LHFPL3: variants seen among roughly 807,000 people sequenced by gnomAD.
The protein encoded by LHFPL3 is LHFPL tetraspan subfamily member 3 protein.
A neutral mutation model predicts 19.3 loss-of-function variants in LHFPL3; 5 were observed. The ratio of observed to expected loss-of-function variants is 0.26; its 90% confidence interval spans 0.14 to 0.54. The LOEUF (loss-of-function observed/expected upper bound fraction) is 0.54. LHFPL3 is among the 20% of genes least tolerant of loss of function. LHFPL3 has a pLI of 0.94. For synonymous variants in LHFPL3, 133 were observed against 126.2 expected (o/e 1.05, Z -0.36); for missense variants, 249 against 307.4 (o/e 0.81, Z 1.42).
chr7:104,674,511 G>A lies in LHFPL3; in HGVS notation c.446-62164G>A, dbSNP rs148577413. On this transcript the variant is annotated intron_variant, in intron 1 of 2. Coordinates refer to ENST00000424859, the MANE Select transcript of LHFPL3 (RefSeq NM_199000.3). ...AGCCTCCCAAGTAGCTGGGATTAGA[G>A]GTGCCTGCCACCAAGCCCAGGTTAT... Among the ~76,000 whole-genome samples, 1,128 of 152,034 alleles carry A rather than the reference G, an allele frequency of 7.4e-3. 12 individuals are homozygous for A. Among genetic ancestry groups the A allele is most frequent in the African/African-American group, 0.025 (1,040 of 41,462 alleles).
intron 1 of LHFPL3, among the ~76,000 whole-genome samples, chr7:104,730,579 T>A (rs1793681168): frequency 6.9e-6 from 1 of 145,968 alleles, no homozygotes; most frequent in Non-Finnish European, 1.5e-5. Flanking sequence ...TTCGCCCACT[T>A]TTTGATGGGG....
At chr7:104,580,569 T>C (rs965997069) in intron 1 of LHFPL3, among the ~76,000 whole-genome samples, 2 of 152,120 alleles carry the variant, frequency 1.3e-5, no homozygotes, top group African/African-American at 4.8e-5. Context: ...CAATATTTCA[T>C]TATAATGTAA....
intron 1 of LHFPL3, among the ~76,000 whole-genome samples, chr7:104,491,892 A>T (rs1479290229): frequency 6.6e-6 from 1 of 152,230 alleles, no homozygotes; most frequent in Non-Finnish European, 1.5e-5. Context: ...TCCAATTAGA[A>T]CTGTCTTTAC....
intron 1 of LHFPL3, among the ~76,000 whole-genome samples, chr7:104,637,824 A>AG (rs1791756242): frequency 1.0e-5 from 1 of 97,898 alleles, no homozygotes; most frequent in South Asian, 4.6e-4. Context: ...TGATGCCTCC[A>AG]GCTTTTTTTT....
chr7:104,543,621 G>A (rs181992697), intron 1 of LHFPL3, among the ~76,000 whole-genome samples: 376 of 151,614 alleles, frequency 2.5e-3, no homozygotes, highest in African/African-American at 7.4e-3. Context: ...GTAGGGACAC[G>A]GATGAAACTG....
intron 2 of LHFPL3, chr7:104,739,085 C>A (rs1040082807): frequency 2.0e-5 from 3 of 152,194 alleles, no homozygotes; most frequent in Admixed American, 2.0e-4. Context: ...ATTGAAATTC[C>A]TTAATCTCAG....
chr7:104,562,665 G>A (rs185985539), intron 1 of LHFPL3, among the ~76,000 whole-genome samples: 57 of 151,876 alleles, frequency 3.8e-4, no homozygotes, highest in African/African-American at 1.3e-3. Flanking sequence ...GTCGTCTGAA[G>A]CCTTCTTCTC....
intron 1 of LHFPL3, among the ~76,000 whole-genome samples, chr7:104,374,208 ATGTGTGTG>A (rs1006955104): frequency 1.0e-4 from 15 of 147,152 alleles, no homozygotes; most frequent in East Asian, 2.0e-4. Context: ...CTATCTATAT[ATGTGTGTG>A]TGTGTGTGTG....
intron 1 of LHFPL3, among the ~76,000 whole-genome samples, chr7:104,503,108 A>T (rs1025296440): frequency 1.3e-4 from 12 of 95,718 alleles, no homozygotes; most frequent in African/African-American, 8.0e-4. Context: ...ATGTTTTGTT[A>T]AAAAAAAAAA....
At chr7:104,439,328 C>G (rs1467023341) in intron 1 of LHFPL3, among the ~76,000 whole-genome samples, 10 of 151,968 alleles carry the variant, frequency 6.6e-5, no homozygotes, top group Admixed American at 5.9e-4. Context: ...ATAGCAAAAC[C>G]AGGCAAGGAT....
intron 1 of LHFPL3, among the ~76,000 whole-genome samples, chr7:104,512,201 C>T (rs1247682125): frequency 6.6e-6 from 1 of 151,940 alleles, no homozygotes; most frequent in Non-Finnish European, 1.5e-5. Flanking sequence ...GTGATCCACC[C>T]GCCTCAGCCT....
intron 1 of LHFPL3, among the ~76,000 whole-genome samples, chr7:104,681,807 G>A (rs572630460): frequency 3.3e-5 from 5 of 152,166 alleles, no homozygotes; most frequent in East Asian, 1.9e-4. Flanking sequence ...ATCATCCTCC[G>A]AACCTTAAAG....
At chr7:104,330,862 T>C (rs959254096) in intron 1 of LHFPL3, among the ~76,000 whole-genome samples, 1 of 152,162 alleles carries the variant, frequency 6.6e-6, no homozygotes. Flanking sequence ...TTAGCTCTGG[T>C]TTGACTTTGA....
intron 1 of LHFPL3, among the ~76,000 whole-genome samples, chr7:104,379,254 A>C (rs1003421831): frequency 6.6e-6 from 1 of 152,206 alleles, no homozygotes; most frequent in Non-Finnish European, 1.5e-5. Flanking sequence ...GACGGAGTCA[A>C]ATCTCCAAAT....
chr7:104,441,106 A>T (rs1298102265), intron 1 of LHFPL3, among the ~76,000 whole-genome samples: 4 of 152,148 alleles, frequency 2.6e-5, no homozygotes, highest in African/African-American at 9.7e-5. Flanking sequence ...CATAGTGTTA[A>T]ATATAGGCAC....
chr7:104,431,332 T>G (rs1046379833), intron 1 of LHFPL3, among the ~76,000 whole-genome samples: 1 of 152,198 alleles, frequency 6.6e-6, no homozygotes, highest in African/African-American at 2.4e-5. Flanking sequence ...TTTTATAAAA[T>G]TCTTAATATA....
At chr7:104,866,140 A>G (rs1791716059) in intron 2 of LHFPL3, among the ~76,000 whole-genome samples, 1 of 152,220 alleles carries the variant, frequency 6.6e-6, no homozygotes, top group Admixed American at 6.5e-5. Context: ...TGTAAAGACC[A>G]TCAATGCTAG....
chr7:104,476,534 C>G (rs1474584895), intron 1 of LHFPL3, among the ~76,000 whole-genome samples: 2 of 151,820 alleles, frequency 1.3e-5, no homozygotes, highest in Non-Finnish European at 2.9e-5. Context: ...GATCTCGGCT[C>G]ACTGCAACCT....
intron 1 of LHFPL3, among the ~76,000 whole-genome samples, chr7:104,709,043 T>G (rs1220533563): frequency 6.6e-6 from 1 of 152,076 alleles, no homozygotes; most frequent in African/African-American, 2.4e-5. Context: ...CATCAGCTAC[T>G]GACAAGAACT....
Sources: gnomAD v4.1 joint callset for allele counts (sites outside exome capture counted in the v4.1 genomes callset) on GRCh38, gnomAD v4.1.1 for gene constraint, MANE v1.5 for transcripts, NCBI Gene and HGNC (gene_info 2026-07-23, HGNC 2026-07-21) for gene names.